Variants in THOC5 observed in about 807,000 individuals in gnomAD.
THOC5 encodes the protein THO complex subunit 5, also known as Fms-interacting protein.
A neutral mutation model predicts 92.9 loss-of-function variants in THOC5; 43 were observed. The ratio of observed to expected loss-of-function variants is 0.46; its 90% CI spans 0.36 to 0.60. The LOEUF (loss-of-function observed/expected upper bound fraction) is 0.60, where lower values mean the gene tolerates loss of function less well. Ranked by LOEUF, THOC5 falls within the 20% of genes least tolerant of loss-of-function variation. THOC5 has a pLI of 0.00. For missense variants in THOC5, 659 were observed against 849.4 expected (o/e 0.78, Z 2.79); for synonymous variants, 296 against 320.1 (o/e 0.92, Z 0.80).
At position 29,508,353 on chromosome 22, in the gene THOC5, G is replaced by A; in HGVS notation, c.*104C>T. 1 of 1,222,578 alleles carries A rather than the reference G, an allele frequency of 8.2e-7. No homozygotes were observed. The highest frequency in any genetic ancestry group is 1.2e-6 in the Non-Finnish European group (1 of 850,022). The allele number at this position is 1,222,578 out of a possible 1,614,324, so 75.7% of individuals were successfully genotyped here. ...GTCAGGTGACGCTTTTTAATTGGCTGGTGTCTTTGGAGAATATCAAGAGTC... is the reference window on the plus strand; with the variant it reads ...GTCAGGTGACGCTTTTTAATTGGCTAGTGTCTTTGGAGAATATCAAGAGTC... On this transcript the variant is annotated 3_prime_UTR_variant, in exon 20 of 20. Transcript: ENST00000490103.
rs138285743 is a variant in THOC5 at position 29,508,450 on chromosome 22, C to T, written c.*7G>A. On this transcript the variant is annotated 3_prime_UTR_variant, in exon 20 of 20. Coordinates refer to ENST00000490103, the MANE Select transcript of THOC5 (RefSeq NM_003678.5). ...GCCTTGGGGGAAACAACGGTCTGCGCGGGAGATCAGCGATGGCTGAAGAAT... is the reference window on the plus strand; with the variant it reads ...GCCTTGGGGGAAACAACGGTCTGCGTGGGAGATCAGCGATGGCTGAAGAAT... 7.7e-5 allele frequency: 125 copies of T among 1,613,954 alleles called. No homozygotes were observed. The Middle Eastern group carries it at 9.9e-4, about 13-fold the overall frequency.
intron 15 of THOC5, 120 bp from the exon 16 acceptor site, chr22:29,517,486 C>G (rs1472086296): frequency 7.6e-6 from 6 of 793,772 alleles, no homozygotes; most frequent in South Asian, 3.4e-5. Context: ...TCCTGGTATA[C>G]CTGGTACTCA....
intron 9 of THOC5, chr22:29,528,943 C>T (rs1425997352): frequency 5.2e-6 from 3 of 571,670 alleles, no homozygotes; most frequent in South Asian, 2.3e-5. Flanking sequence ...ATACCTTCCT[C>T]GGGGTCAGTC....
Position 29,529,233 on chromosome 22 carries a change from G to C in THOC5, c.854C>G (p.Thr285Arg). ...ACTGCCTTCGATTGCCACAGATAAC[G>C]TCTTATCTGGGGGGCAAGAAGAAGT... ...ATAYGQACDKTLSVAIEGSVD... is the reference protein window; with the variant it reads ...ATAYGQACDKRLSVAIEGSVD... The change falls in exon 9 of 20, where the codon ACG becomes AGG. Residue 285 changes from threonine to arginine, a missense_variant. By Grantham distance (71) the Thr-to-Arg change is moderately conservative. Transcript: ENST00000490103. 1 of 1,614,154 alleles carries C rather than the reference G, an allele frequency of 6.2e-7. No individual in the cohort carries two copies. Among genetic ancestry groups the C allele is most frequent in the Non-Finnish European group, 8.5e-7 (1 of 1,179,998 alleles).
intron 17 of THOC5, among the ~76,000 whole-genome samples, chr22:29,513,548 C>G (rs1299121237): frequency 6.6e-6 from 1 of 151,938 alleles, no homozygotes; most frequent in Admixed American, 6.6e-5. Context: ...ATTAGCCAGG[C>G]CTAGTGGGAC....
chr22:29,533,349 G>A (rs1287791683), intron 7 of THOC5, among the ~76,000 whole-genome samples: 2 of 152,204 alleles, frequency 1.3e-5, no homozygotes, highest in East Asian at 3.8e-4. Flanking sequence ...ATATCCACAT[G>A]TACAAAGACA....
intron 2 of THOC5, among the ~76,000 whole-genome samples, chr22:29,548,042 G>A (rs879457278): frequency 2.6e-5 from 4 of 152,080 alleles, no homozygotes; most frequent in Admixed American, 2.0e-4. Context: ...CCTGATGAGC[G>A]CATCAGATCT....
At chr22:29,545,466 G>A (rs2063996755) in intron 2 of THOC5, among the ~76,000 whole-genome samples, 1 of 152,130 alleles carries the variant, frequency 6.6e-6, no homozygotes, top group Non-Finnish European at 1.5e-5. Context: ...TCTGAGACAA[G>A]GCAAGCCCCT....
intron 5 of THOC5, among the ~76,000 whole-genome samples, chr22:29,540,499 T>C (rs2063859267): frequency 6.6e-6 from 1 of 152,124 alleles, no homozygotes; most frequent in African/African-American, 2.4e-5. Flanking sequence ...GGTCCACAGC[T>C]AGGGAGTGGC....
chr22:29,547,014 T>A (rs2064035942), intron 2 of THOC5, among the ~76,000 whole-genome samples: 1 of 150,488 alleles, frequency 6.6e-6, no homozygotes, highest in Non-Finnish European at 1.5e-5. Flanking sequence ...CTAATTTTTA[T>A]TGTATTTTTA....
intron 17 of THOC5, among the ~76,000 whole-genome samples, chr22:29,513,352 G>T (rs1214600332): frequency 7.5e-6 from 1 of 133,246 alleles, no homozygotes; most frequent in African/African-American, 2.8e-5. Context: ...GCAAGACTCC[G>T]TCTCAAAAAA....
intron 10 of THOC5, 68 bp downstream of exon 10, chr22:29,528,358 A>G: frequency 6.2e-7 from 1 of 1,614,070 alleles, no homozygotes; most frequent in Non-Finnish European, 8.5e-7. Flanking sequence ...GGAGGACGGC[A>G]CCTGCGAACA....
chr22:29,536,486 G>C (rs2146524608), intron 7 of THOC5, 138 bp downstream of exon 7: 2 of 613,530 alleles, frequency 3.3e-6, no homozygotes, highest in Non-Finnish European at 5.9e-6. Context: ...ACACCAACTG[G>C]GTAGGGATGC....
intron 1 of THOC5, among the ~76,000 whole-genome samples, chr22:29,552,932 G>C (rs2064201981): frequency 6.6e-6 from 1 of 152,170 alleles, no homozygotes; most frequent in Non-Finnish European, 1.5e-5. Context: ...TTGGTCTATA[G>C]CCTTACCCCC....
intron 5 of THOC5, among the ~76,000 whole-genome samples, chr22:29,542,219 A>C (rs1006134017): frequency 6.6e-6 from 1 of 152,158 alleles, no homozygotes; most frequent in Non-Finnish European, 1.5e-5. Context: ...AAAGGTTAAA[A>C]GAATGTGACT....
At chr22:29,537,751 G>A (rs142087794) in intron 6 of THOC5, among the ~76,000 whole-genome samples, 5 of 151,722 alleles carry the variant, frequency 3.3e-5, no homozygotes, top group African/African-American at 9.7e-5. Flanking sequence ...TTAGCTGGGC[G>A]TGGTGGCACA....
At position 29,526,775 on chromosome 22, in the gene THOC5, C is replaced by T. The variant is rs573318849; in HGVS notation, c.1067-829G>A. 5.9e-5 allele frequency among the ~76,000 whole-genome samples: 9 copies of T among 152,214 alleles called. No homozygotes were observed. The Middle Eastern group carries it at 0.01, about 173-fold the overall frequency. ...TACTCCTGATATGACATGATAGCGACGACCTCATCTATGCTATTCTCTCCC... is the reference window on the plus strand; with the variant it reads ...TACTCCTGATATGACATGATAGCGATGACCTCATCTATGCTATTCTCTCCC... On this transcript the variant is annotated intron_variant, in intron 11 of 19. Transcript: ENST00000490103.
intron 5 of THOC5, 65 bp from the exon 6 acceptor site, chr22:29,539,541 C>A: frequency 6.5e-7 from 1 of 1,547,524 alleles, no homozygotes; most frequent in South Asian, 1.2e-5. Flanking sequence ...TTAAGCAGGC[C>A]CAAAGTTATC....
chr22:29,519,315 T>G (rs1235385499), intron 14 of THOC5, among the ~76,000 whole-genome samples, 195 bp from the exon 15 acceptor site: 1 of 152,234 alleles, frequency 6.6e-6, no homozygotes, highest in Non-Finnish European at 1.5e-5. Flanking sequence ...CACAATATGC[T>G]GCGTTCTTGA....
Sources: allele counts gnomAD v4.1 joint callset (sites outside exome capture counted in the v4.1 genomes callset), GRCh38; gene constraint gnomAD v4.1.1; transcripts MANE v1.5; gene names NCBI Gene and HGNC (gene_info 2026-07-23, HGNC 2026-07-21).